MORC4: variants seen among roughly 807,000 people sequenced by gnomAD.
MORC4 encodes the protein MORC family CW-type zinc finger 4.
MORC4 carries 22 observed loss-of-function variants against 65.5 expected under a neutral mutation model. The ratio of observed to expected loss-of-function variants is 0.34; its 90% CI spans 0.24 to 0.48. MORC4 has a LOEUF of 0.48. Ranked by LOEUF, MORC4 falls within the 20% of genes least tolerant of loss-of-function variation. MORC4 has a pLI of 0.99. For synonymous variants in MORC4, 267 were observed against 255.8 expected (o/e 1.04, Z -0.42); for missense variants, 624 against 703.0 (o/e 0.89, Z 1.27).
At chrX:106,971,029 C>T (rs903123365) in intron 9 of MORC4, among the ~76,000 whole-genome samples, 2 of 111,732 alleles carry the variant, frequency 1.8e-5, no homozygotes, top group African/African-American at 3.3e-5. Flanking sequence ...GCAAGAAGAA[C>T]AAAGCTGGAG....
intron 12 of MORC4, 35 bp downstream of exon 12, chrX:106,956,901 C>A: frequency 1.9e-6 from 2 of 1,056,215 alleles, no homozygotes; most frequent in Non-Finnish European, 2.6e-6. Flanking sequence ...CTACTCTACC[C>A]TATGGTAGAG....
At position 106,993,356 on chromosome X, in the gene MORC4, G is replaced by A. The variant is rs1176646393; in HGVS notation, c.182C>T (p.Ala61Val). 8.3e-7 allele frequency: 1 copy of A among 1,205,441 alleles called. No individual in the cohort carries two copies. Among genetic ancestry groups the A allele is most frequent in the Admixed American group, 2.2e-5 (1 of 45,077 alleles). The change falls in exon 3 of 17, where the codon GCT becomes GTT. Residue 61 changes from alanine to valine, a missense_variant. Coordinates refer to ENST00000355610, the MANE Select transcript of MORC4 (RefSeq NM_024657.5). ...CCTGGCAGATACATCTGGATCTACAGCATTATCTGCAAAAGGTAGAAATCT... is the reference window on the plus strand; with the variant it reads ...CCTGGCAGATACATCTGGATCTACAACATTATCTGCAAAAGGTAGAAATCT... ...FSAIAELLDN[A>V]VDPDVSARTV... is the part of the protein sequence containing the mutation.
At chrX:106,965,580 G>A (rs1037315056) in intron 9 of MORC4, among the ~76,000 whole-genome samples, 1 of 111,857 alleles carries the variant, frequency 8.9e-6, no homozygotes, top group African/African-American at 3.2e-5. Context: ...CTGGAAGAGG[G>A]GTACTACTAT....
chrX:106,977,313 A>G (rs960746576), intron 8 of MORC4, among the ~76,000 whole-genome samples: 1 of 111,701 alleles, frequency 9.0e-6, no homozygotes, highest in African/African-American at 3.2e-5. Context: ...TAAAGGTGCT[A>G]TAACAAGGGA....
In MORC4 at chrX:106,943,159, T is replaced by G; in HGVS notation, c.1732A>C (p.Arg578=). 6 of 1,208,372 alleles carry G rather than the reference T, an allele frequency of 5.0e-6. No individual in the cohort carries two copies. Among genetic ancestry groups the G allele is most frequent in the Non-Finnish European group, 6.7e-6 (6 of 892,797 alleles). ...GGTGTTGTCATCTCATTCTGGAGCC[T>G]TCTTCGTTTCTCCACCGGTTCTTCA... ...LGEEPVEKRR[R]LQNEMTTPSL... is the part of the protein sequence containing the mutation. Residue 578 remains arginine (R), a synonymous_variant, in exon 15 of 17, where the codon AGG becomes CGG. Coordinates refer to ENST00000355610, the MANE Select transcript of MORC4 (RefSeq NM_024657.5).
intron 3 of MORC4, among the ~76,000 whole-genome samples, chrX:106,991,128 T>C (rs1167729877): frequency 9.0e-6 from 1 of 111,524 alleles, no homozygotes; most frequent in Admixed American, 9.5e-5. Context: ...GAATAAAAAA[T>C]TTGAATGGGT....
At chrX:106,973,615 A>G (rs1934567897) in intron 9 of MORC4, among the ~76,000 whole-genome samples, 1 of 112,217 alleles carries the variant, frequency 8.9e-6, no homozygotes, top group Admixed American at 9.5e-5. Flanking sequence ...TTAAGATAGG[A>G]AGAATATCCT....
intron 2 of MORC4, among the ~76,000 whole-genome samples, chrX:106,995,326 T>C (rs1257214499): frequency 8.9e-6 from 1 of 111,865 alleles, no homozygotes; most frequent in African/African-American, 3.2e-5. Context: ...TCAGAAAACT[T>C]CAGGCTAAAA....
At position 107,000,002 on chromosome X, in the gene MORC4, G is replaced by A. The variant is rs759387063; in HGVS notation, c.-33C>T. ...GCCGCCACGGTACCCGTCTGCTGCCGCCGGACCCCTGGCCCGGCGGTCCGG... is the reference window on the plus strand; with the variant it reads ...GCCGCCACGGTACCCGTCTGCTGCCACCGGACCCCTGGCCCGGCGGTCCGG... On this transcript the variant is annotated 5_prime_UTR_variant, in exon 1 of 17. Transcript: ENST00000355610. The A allele has an allele frequency of 1.4e-4, 94 of 695,339 alleles. No homozygotes were observed. Among genetic ancestry groups the A allele is most frequent in the Non-Finnish European group, 1.6e-4 (91 of 553,410 alleles). 57.3% of individuals were successfully genotyped at this position (695,339 alleles called of 1,213,427 possible). A position where few individuals can be genotyped will look rare whatever the true frequency, so the allele number is the denominator to read the frequency against.
chrX:106,953,164 AAT>A (rs1432492553), intron 14 of MORC4, among the ~76,000 whole-genome samples: 1 of 112,225 alleles, frequency 8.9e-6, no homozygotes, highest in Non-Finnish European at 1.9e-5. Context: ...CAAAAATTCC[AAT>A]AGAGACTGAT....
intron 14 of MORC4, among the ~76,000 whole-genome samples, chrX:106,945,414 TTGTGTGTGTGTGTGTG>T (rs35077497): frequency 7.1e-4 from 59 of 83,256 alleles, no homozygotes; most frequent in African/African-American, 1.9e-3. Flanking sequence ...ACTTACTACT[TTGTGTGTGTGTGTGTG>T]TGTGTGTGTG....
chrX:106,975,624 T>A (rs1467283968), intron 9 of MORC4, among the ~76,000 whole-genome samples: 1 of 111,590 alleles, frequency 9.0e-6, no homozygotes, highest in Non-Finnish European at 1.9e-5. Flanking sequence ...TATTTGCTAC[T>A]GAGACTTCAA....
chrX:106,981,131 C>T, intron 6 of MORC4, 112 bp from the exon 7 acceptor site: 2 of 973,094 alleles, frequency 2.1e-6, no homozygotes, highest in Non-Finnish European at 2.9e-6. Flanking sequence ...AGATTTGGCT[C>T]AGTTTCTATA....
intron 2 of MORC4, 100 bp downstream of exon 2, chrX:106,999,577 G>GCCCGC: frequency 1.3e-6 from 1 of 798,297 alleles, no homozygotes. Flanking sequence ...CCCAGCCCCG[G>GCCCGC]CCCGCCCCGC....
chrX:106,977,362 T>C (rs1934646513), intron 8 of MORC4, among the ~76,000 whole-genome samples: 1 of 111,886 alleles, frequency 8.9e-6, no homozygotes, highest in African/African-American at 3.2e-5. Flanking sequence ...CTGGGCTTTA[T>C]ATAACTGTCT....
At chrX:106,963,664 G>A (rs1011716534) in intron 9 of MORC4, among the ~76,000 whole-genome samples, 2 of 111,322 alleles carry the variant, frequency 1.8e-5, no homozygotes, top group Non-Finnish European at 3.8e-5. Context: ...CAAAGTCCTG[G>A]CATCTCTTTT....
In MORC4 at chrX:106,942,171, T is replaced by C. The variant is rs374445650; in HGVS notation, c.2427A>G (p.Lys809=). The change falls in exon 16 of 17, where the codon AAA becomes AAG. Residue 809 remains lysine, a synonymous_variant. Coordinates refer to ENST00000355610, the MANE Select transcript of MORC4 (RefSeq NM_024657.5). ...TGTAGATCACCAATTCATGTTGGAC[T>C]TTCTTGAATTCAGACTGCCAGTGAT... ...ERNHWQSEFK[K]VQHELVIYST... is the part of the protein sequence containing the mutation. 13 of 1,208,715 alleles carry C rather than the reference T, an allele frequency of 1.1e-5. No homozygotes were observed. In the African/African-American group the frequency reaches 2.1e-4, roughly 20 times the overall value.
chrX:106,994,158 A>G (rs1935032331), intron 2 of MORC4, among the ~76,000 whole-genome samples: 1 of 112,501 alleles, frequency 8.9e-6, no homozygotes, highest in Non-Finnish European at 1.9e-5. Flanking sequence ...AAATATTGCC[A>G]TAGTCTAACA....
At position 106,981,483 on chromosome X, in the gene MORC4, G is replaced by T; in HGVS notation, c.675-6C>A. Reference sequence around the variant, plus strand: ...CAGATTTTCCATTTTTATTTCTGGGGAAAAGAGACAAGTACCAATCTAACA... The same window carrying T: ...CAGATTTTCCATTTTTATTTCTGGGTAAAAGAGACAAGTACCAATCTAACA... On this transcript the variant is annotated splice_region_variant and splice_polypyrimidine_tract_variant and intron_variant, in intron 5 of 16. Coordinates refer to ENST00000355610, the MANE Select transcript of MORC4 (RefSeq NM_024657.5). The T allele has an allele frequency of 8.5e-7, 1 of 1,181,142 alleles. No homozygotes were observed. Among genetic ancestry groups the T allele is most frequent in the Non-Finnish European group, 1.1e-6 (1 of 882,344 alleles).
Sources: gnomAD v4.1 joint callset for allele counts (sites outside exome capture counted in the v4.1 genomes callset) on GRCh38, gnomAD v4.1.1 for gene constraint, MANE v1.5 for transcripts, NCBI Gene and HGNC (gene_info 2026-07-23, HGNC 2026-07-21) for gene names.